Variants in KCNQ1OT1 observed in about 807,000 individuals in gnomAD.
KCNQ1OT1 encodes the protein KCNQ1 opposite strand/antisense transcript 1, also known as KCNQ1 antisense RNA 2 (non-protein coding).
chr11:2,639,831 A>C (rs2133827562), exon 1 of KCNQ1OT1: 1 of 152,716 alleles, frequency 6.5e-6, no homozygotes. Flanking sequence ...AGAGGCAGGC[A>C]GGCCTCCTTG....
chr11:2,618,127 A>G (rs1229001164), exon 1 of KCNQ1OT1: 1 of 397,922 alleles, frequency 2.5e-6, no homozygotes, highest in East Asian at 3.6e-5. Context: ...CTTTTCCCCT[A>G]TGTTTTCTTC....
In KCNQ1OT1 at chr11:2,624,613, T is replaced by A. The variant is rs972820725; in HGVS notation, n.75382A>T. 2.5e-6 allele frequency: 1 copy of A among 398,434 alleles called. No individual in the cohort carries two copies. Among genetic ancestry groups the A allele is most frequent in the African/African-American group, 2.1e-5 (1 of 48,624 alleles). 24.7% of individuals were successfully genotyped at this position (398,434 alleles called of 1,614,324 possible). A position where few individuals can be genotyped will look rare whatever the true frequency, so the allele number is the denominator to read the frequency against. The stretch of plus-strand genomic sequence containing the variant: ...ATAAAAATTACCATCCTAACCAATT[T>A]TAGTGTACAATTCAGTGAATGTATT... On this transcript the variant is annotated non_coding_transcript_exon_variant, in exon 1 of 1. Coordinates refer to ENST00000597346, the Ensembl canonical transcript of KCNQ1OT1. The surrounding 1 kb of genome is among the most constrained non-coding windows in gnomAD (Gnocchi z 4.9).
Position 2,659,045 on chromosome 11 carries a change from C to A in KCNQ1OT1, n.40950G>T. 1 of 398,576 alleles carries A rather than the reference C, an allele frequency of 2.5e-6. No homozygotes were observed. The highest frequency in any genetic ancestry group is 1.3e-4 in the South Asian group (1 of 7,848). 24.7% of individuals were successfully genotyped at this position (398,576 alleles called of 1,614,324 possible). A position where few individuals can be genotyped will look rare whatever the true frequency, so the allele number is the denominator to read the frequency against. ...TCCTCCTTTCCTTTCACTGCTATGTCATTTGTTTGTAACACGCTCATCATA... is the reference window on the plus strand; with the variant it reads ...TCCTCCTTTCCTTTCACTGCTATGTAATTTGTTTGTAACACGCTCATCATA... On this transcript the variant is annotated non_coding_transcript_exon_variant, in exon 1 of 1. Coordinates refer to ENST00000597346, the Ensembl canonical transcript of KCNQ1OT1. This position sits in a 1 kb window ranked among gnomAD's most constrained non-coding sequence, Gnocchi z 4.3.
chr11:2,665,903 G>C (rs1479751677), exon 1 of KCNQ1OT1: 3 of 398,560 alleles, frequency 7.5e-6, no homozygotes, highest in Non-Finnish European at 1.3e-5. Flanking sequence ...GCCTGGGTGA[G>C]CTTCTCCAAG....
At chr11:2,672,390 C>T in exon 1 of KCNQ1OT1, 1 of 346,832 alleles carries the variant, frequency 2.9e-6, no homozygotes, top group Admixed American at 5.3e-5. Flanking sequence ...TGAGCTCAGG[C>T]TGGTATGGGT....
Position 2,661,830 on chromosome 11 carries a change from A to T in KCNQ1OT1, n.38165T>A. ...ACCCCAACACCCAACTATAAAACTG[A>T]TTGTCAGGGCTGGAGCTTCCAGGCA... On this transcript the variant is annotated non_coding_transcript_exon_variant, in exon 1 of 1. Coordinates refer to ENST00000597346, the Ensembl canonical transcript of KCNQ1OT1. This position sits in a 1 kb window ranked among gnomAD's most constrained non-coding sequence, Gnocchi z 5.9. The T allele has an allele frequency of 5.5e-6, 6 of 1,095,136 alleles. No homozygotes were observed. The highest frequency in any genetic ancestry group is 8.3e-6 in the Non-Finnish European group (6 of 724,112). 67.8% of individuals were successfully genotyped at this position (1,095,136 alleles called of 1,614,324 possible).
Position 2,623,036 on chromosome 11 carries a change from C to A in KCNQ1OT1, n.76959G>T. ...AATCCCCATGTGTCAGGGGAGGGGC[C>A]TGGTGGGGGGCAAACTTCCCCCTTG... is the stretch of plus-strand genomic sequence containing the variant. On this transcript the variant is annotated non_coding_transcript_exon_variant, in exon 1 of 1. Coordinates refer to ENST00000597346, the Ensembl canonical transcript of KCNQ1OT1. The surrounding 1 kb of genome is among the most constrained non-coding windows in gnomAD (Gnocchi z 5.2). The A allele has an allele frequency of 2.5e-6, 1 of 398,552 alleles. No individual in the cohort carries two copies. Among genetic ancestry groups the A allele is most frequent in the Admixed American group, 4.4e-5 (1 of 22,726 alleles). 24.7% of individuals were successfully genotyped at this position (398,552 alleles called of 1,614,324 possible).
In KCNQ1OT1 at chr11:2,617,790, T is replaced by G. The variant is rs1849092568; in HGVS notation, n.82205A>C. ...TGCATTTCCCTGACGATTAGTGATG[T>G]TAAATGTCTTTTCATATATGTGTTT... On this transcript the variant is annotated non_coding_transcript_exon_variant, in exon 1 of 1. Coordinates refer to ENST00000597346, the Ensembl canonical transcript of KCNQ1OT1. The surrounding 1 kb of genome is among the most constrained non-coding windows in gnomAD (Gnocchi z 4.6). The G allele has an allele frequency of 5.0e-6, 2 of 398,462 alleles. No homozygotes were observed. Among genetic ancestry groups the G allele is most frequent in the East Asian group, 7.1e-5 (2 of 28,078 alleles). 24.7% of individuals were successfully genotyped at this position (398,462 alleles called of 1,614,324 possible). A position where few individuals can be genotyped will look rare whatever the true frequency, so the allele number is the denominator to read the frequency against.
exon 1 of KCNQ1OT1, chr11:2,688,732 C>T (rs1850535532): frequency 2.5e-6 from 1 of 398,902 alleles, no homozygotes; most frequent in African/African-American, 2.1e-5. Flanking sequence ...TGGCCCGGCT[C>T]TGAGCTGCTG....
At position 2,663,377 on chromosome 11, in the gene KCNQ1OT1, C is replaced by T. The variant is rs1850004907; in HGVS notation, n.36618G>A. 2.5e-6 allele frequency: 1 copy of T among 398,592 alleles called. No homozygotes were observed. The highest frequency in any genetic ancestry group is 4.4e-6 in the Non-Finnish European group (1 of 226,162). 24.7% of individuals were successfully genotyped at this position (398,592 alleles called of 1,614,324 possible). On this transcript the variant is annotated non_coding_transcript_exon_variant, in exon 1 of 1. Coordinates refer to ENST00000597346, the Ensembl canonical transcript of KCNQ1OT1. The surrounding 1 kb of genome is among the most constrained non-coding windows in gnomAD (Gnocchi z 5.2). Reference sequence around the variant, plus strand: ...GATGGGCTGCCCAGGTACAGGTCAGCACCAGAAGGCAGAATGATGGCTTAC... The same window carrying T: ...GATGGGCTGCCCAGGTACAGGTCAGTACCAGAAGGCAGAATGATGGCTTAC...
At position 2,654,296 on chromosome 11, in the gene KCNQ1OT1, G is replaced by T; in HGVS notation, n.45699C>A. 2.5e-6 allele frequency: 1 copy of T among 398,846 alleles called. No homozygotes were observed. The highest frequency in any genetic ancestry group is 1.3e-4 in the South Asian group (1 of 7,858). 24.7% of individuals were successfully genotyped at this position (398,846 alleles called of 1,614,324 possible). ...AGGGCTTTGGTGAATCCACTGAGAGGGGGAGATTTCTTGAGGGGGCCAGGG... is the reference window on the plus strand; with the variant it reads ...AGGGCTTTGGTGAATCCACTGAGAGTGGGAGATTTCTTGAGGGGGCCAGGG... On this transcript the variant is annotated non_coding_transcript_exon_variant, in exon 1 of 1. Coordinates refer to ENST00000597346, the Ensembl canonical transcript of KCNQ1OT1. The surrounding 1 kb of genome is among the most constrained non-coding windows in gnomAD (Gnocchi z 6.4).
rs1850456569 is a variant in KCNQ1OT1, at chr11:2,684,848, T to G, written n.15147A>C. ...TAGTCAAGGCCTCCTGTTATTGGCTTCCTCCAGGGAGTCTGCTGAGACAAA... is the reference window on the plus strand; with the variant it reads ...TAGTCAAGGCCTCCTGTTATTGGCTGCCTCCAGGGAGTCTGCTGAGACAAA... On this transcript the variant is annotated non_coding_transcript_exon_variant, in exon 1 of 1. Coordinates refer to ENST00000597346, the Ensembl canonical transcript of KCNQ1OT1. The G allele has an allele frequency of 7.5e-6, 3 of 398,556 alleles. No homozygotes were observed. In the South Asian group the frequency reaches 3.8e-4, roughly 51 times the overall value. 24.7% of individuals were successfully genotyped at this position (398,556 alleles called of 1,614,324 possible).
chr11:2,648,728 G>T (rs558980181), exon 1 of KCNQ1OT1: 1 of 398,454 alleles, frequency 2.5e-6, no homozygotes. Flanking sequence ...GTGTGCTAAC[G>T]AAGCAGCAGT....
rs572246076 is a variant in KCNQ1OT1, at chr11:2,617,981, G to T, written n.82014C>A. 176 of 398,458 alleles carry T rather than the reference G, an allele frequency of 4.4e-4. No individual in the cohort carries two copies. Among genetic ancestry groups the T allele is most frequent in the Middle Eastern group, 6.3e-4 (1 of 1,588 alleles). The allele number at this position is 398,458 out of a possible 1,614,324, so 24.7% of individuals were successfully genotyped here. A position where few individuals can be genotyped will look rare whatever the true frequency, so the allele number is the denominator to read the frequency against. On this transcript the variant is annotated non_coding_transcript_exon_variant, in exon 1 of 1. Coordinates refer to ENST00000597346, the Ensembl canonical transcript of KCNQ1OT1. This position sits in a 1 kb window ranked among gnomAD's most constrained non-coding sequence, Gnocchi z 4.6. ...GGCAAATATTTTCTTCTAGTCCATA[G>T]GTTGCCTTTTCCTTTTGTTGACTGT...
rs1849896955 is a variant in KCNQ1OT1, at chr11:2,658,723, C to G, written n.41272G>C. 2.5e-6 allele frequency: 1 copy of G among 398,466 alleles called. No homozygotes were observed. Among genetic ancestry groups the G allele is most frequent in the Non-Finnish European group, 4.4e-6 (1 of 226,054 alleles). 24.7% of individuals were successfully genotyped at this position (398,466 alleles called of 1,614,324 possible). A position where few individuals can be genotyped will look rare whatever the true frequency, so the allele number is the denominator to read the frequency against. Reference sequence around the variant, plus strand: ...GTATGTAACCTGAGTACACATACATCTTTACATATCTGTATCTATATAAAG... The same window carrying G: ...GTATGTAACCTGAGTACACATACATGTTTACATATCTGTATCTATATAAAG... On this transcript the variant is annotated non_coding_transcript_exon_variant, in exon 1 of 1. Transcript: ENST00000597346. This position sits in a 1 kb window ranked among gnomAD's most constrained non-coding sequence, Gnocchi z 4.9.
chr11:2,637,108 T>C (rs1442201963), exon 1 of KCNQ1OT1: 1 of 152,192 alleles, frequency 6.6e-6, no homozygotes, highest in Admixed American at 6.5e-5. Flanking sequence ...CCTATCAATT[T>C]TGTTGATCTT....
exon 1 of KCNQ1OT1, chr11:2,619,188 T>C: frequency 2.5e-6 from 1 of 398,550 alleles, no homozygotes. Context: ...GTCTGTTTGG[T>C]TGTACTAGTA....
chr11:2,618,067 C>G, exon 1 of KCNQ1OT1: 1 of 398,428 alleles, frequency 2.5e-6, no homozygotes, highest in Admixed American at 4.4e-5. Flanking sequence ...TTTTTGTAGC[C>G]TGAGCTTTTG....
rs1340431316 is a variant in KCNQ1OT1, at chr11:2,676,214, C to A, written n.23781G>T. ...ATGCCATACTTCTTTTTGAGCTGTACATACAATGCTGATTTATTATGGTGC... is the reference window on the plus strand; with the variant it reads ...ATGCCATACTTCTTTTTGAGCTGTAAATACAATGCTGATTTATTATGGTGC... On this transcript the variant is annotated non_coding_transcript_exon_variant, in exon 1 of 1. Transcript: ENST00000597346. This position sits in a 1 kb window ranked among gnomAD's most constrained non-coding sequence, Gnocchi z 4.2. 3 of 398,526 alleles carry A rather than the reference C, an allele frequency of 7.5e-6. No homozygotes were observed. The highest frequency in any genetic ancestry group is 1.3e-5 in the Non-Finnish European group (3 of 226,086). 24.7% of individuals were successfully genotyped at this position (398,526 alleles called of 1,614,324 possible). A position where few individuals can be genotyped will look rare whatever the true frequency, so the allele number is the denominator to read the frequency against.
Sources: gnomAD v4.1 joint callset for allele counts on GRCh38, gnomAD v4.1.1 for gene constraint, Gnocchi (gnomAD v3.1) non-coding constraint, MANE v1.5 for transcripts, NCBI Gene and HGNC (gene_info 2026-07-23, HGNC 2026-07-21) for gene names.